NOTO: variants seen among roughly 807,000 people sequenced by gnomAD.
The protein encoded by NOTO is homeobox protein notochord.
In NOTO, 19 loss-of-function variants were observed where a neutral mutation model predicts 20.5. The observed-to-expected ratio is 0.93, with a 90% CI of 0.65 to 1.36. The LOEUF is 1.36. NOTO is among the 40% of genes most tolerant of loss of function. The probability of loss-of-function intolerance (pLI) is 0.00; values close to 1 mark genes in which losing one functional copy is unlikely to be tolerated. For missense variants in NOTO, 369 were observed against 336.2 expected (o/e 1.10, Z -0.76); for synonymous variants, 150 against 150.2 (o/e 1.00, Z 0.01).
intron 2 of NOTO, 146 bp downstream of exon 2, chr2:73,208,760 ACTCTATAT>A: frequency 1.6e-6 from 1 of 608,186 alleles, no homozygotes; most frequent in South Asian, 2.0e-5. Context: ...CTTTTTGCAC[ACTCTATAT>A]AATGAAAAAA....
chr2:73,208,294 C>A, intron 1 of NOTO, 106 bp from the exon 2 acceptor site: 1 of 696,122 alleles, frequency 1.4e-6, no homozygotes, highest in Non-Finnish European at 2.5e-6. Flanking sequence ...GGCAAGGTAG[C>A]AGAGCTGTGT....
At position 73,202,932 on chromosome 2, in the gene NOTO, G is replaced by A. The variant is rs1686026242; in HGVS notation, c.266G>A (p.Gly89Asp). 6 of 1,524,332 alleles carry A rather than the reference G, an allele frequency of 3.9e-6. No homozygotes were observed. The highest frequency in any genetic ancestry group is 2.6e-5 in the East Asian group (1 of 38,404). The allele number at this position is 1,524,332 out of a possible 1,614,324, so 94.4% of individuals were successfully genotyped here. ...GCTGCTTCCCTGTGCGCCACCGGGG[G>A]TCTGCCCTGGGCTTGCCCGACATCG... ...WTAASLCATGGLPWACPTSWL... is the reference protein window; with the variant it reads ...WTAASLCATGDLPWACPTSWL... Residue 89 changes from glycine (G) to aspartate (D), a missense_variant, in exon 1 of 3, where the codon GGT (glycine) becomes GAT (aspartate). Gly to Asp is a moderately conservative substitution (Grantham distance 94). Coordinates refer to ENST00000398468, the MANE Select transcript of NOTO (RefSeq NM_001134462.2).
chr2:73,207,114 A>C (rs919130430), intron 1 of NOTO, among the ~76,000 whole-genome samples: 7 of 152,034 alleles, frequency 4.6e-5, no homozygotes, highest in Non-Finnish European at 8.8e-5. Flanking sequence ...GCTCTTAAGG[A>C]ACACACAGTA....
Position 73,202,870 on chromosome 2 carries a change from G to A in NOTO, c.204G>A (p.Pro68=), listed in dbSNP as rs1283467242. ...PDPCAPAASQ[P]SGSACVHPAF... is the part of the protein sequence containing the mutation. ...CCTGCGCGCCGGCGGCCTCCCAGCC[G>A]TCGGGCTCCGCCTGCGTCCACCCGG... is the stretch of plus-strand genomic sequence containing the variant. Residue 68 remains proline (P), a synonymous_variant, in exon 1 of 3, where the codon CCG becomes CCA. Transcript: ENST00000398468. 1 of 1,526,506 alleles carries A rather than the reference G, an allele frequency of 6.6e-7. No homozygotes were observed. Among genetic ancestry groups the A allele is most frequent in the African/African-American group, 1.4e-5 (1 of 70,916 alleles). 94.6% of individuals were successfully genotyped at this position (1,526,506 alleles called of 1,614,324 possible). A position where few individuals can be genotyped will look rare whatever the true frequency, so the allele number is the denominator to read the frequency against.
chr2:73,209,484 AC>A (rs11313877), intron 2 of NOTO, among the ~76,000 whole-genome samples: 45,968 of 151,824 alleles, frequency 0.3, 7,168 homozygotes, highest in African/African-American at 0.38. Flanking sequence ...AGCTCAGTCC[AC>A]CACTCAGCAG....
At chr2:73,209,277 A>C (rs1243221360) in intron 2 of NOTO, among the ~76,000 whole-genome samples, 1 of 151,998 alleles carries the variant, frequency 6.6e-6, no homozygotes, top group Non-Finnish European at 1.5e-5. Context: ...TCTAGCTATT[A>C]TATAATTTCT....
At chr2:73,205,415 T>C (rs1574335025) in intron 1 of NOTO, among the ~76,000 whole-genome samples, 3 of 152,032 alleles carry the variant, frequency 2.0e-5, no homozygotes, top group African/African-American at 4.8e-5. Context: ...GGAGGATTGC[T>C]TGTGCCTGGG....
Position 73,208,464 on chromosome 2 carries a change from A to AC in NOTO, c.448dup (p.Gln150ProfsTer4). ...CAGACTGGGCCCCAACGGAGGACCTACAGGACACTGAGAGACAGCAAAAGA... is the reference window on the plus strand; with the variant it reads ...CAGACTGGGCCCCAACGGAGGACCTACCAGGACACTGAGAGACAGCAAAAGA... On this transcript the variant is annotated frameshift_variant, in exon 2 of 3. Transcript: ENST00000398468. LOFTEE classifies it high-confidence loss of function. The AC allele has an allele frequency of 6.4e-7, 1 of 1,551,692 alleles. No individual in the cohort carries two copies. Among genetic ancestry groups the AC allele is most frequent in the South Asian group, 1.2e-5 (1 of 84,054 alleles).
At position 73,203,024 on chromosome 2, in the gene NOTO, G is replaced by T; in HGVS notation, c.358G>T (p.Gly120Cys). The T allele has an allele frequency of 2.1e-6, 3 of 1,407,536 alleles. No individual in the cohort carries two copies. Among genetic ancestry groups the T allele is most frequent in the Non-Finnish European group, 2.8e-6 (3 of 1,083,042 alleles). 87.2% of individuals were successfully genotyped at this position (1,407,536 alleles called of 1,614,324 possible). The change falls in exon 1 of 3, where the codon GGC becomes TGC. Residue 120 changes from glycine (G) to cysteine (C), a missense_variant. Physicochemically the swap from Gly to Cys is radical, Grantham distance 159. Coordinates refer to ENST00000398468, the MANE Select transcript of NOTO (RefSeq NM_001134462.2). The part of the protein sequence containing the change: ...VPGPRVAPVC[G>C]LLGFGVTGLE... Reference sequence around the variant, plus strand: ...AGGGCCGCGCGTGGCTCCCGTCTGCGGCCTGCTGGGCTTCGGCGTCACAGG... The same window carrying T: ...AGGGCCGCGCGTGGCTCCCGTCTGCTGCCTGCTGGGCTTCGGCGTCACAGG...
At chr2:73,207,125 C>T (rs1307664099) in intron 1 of NOTO, among the ~76,000 whole-genome samples, 2 of 152,212 alleles carry the variant, frequency 1.3e-5, no homozygotes, top group Middle Eastern at 3.4e-3. Flanking sequence ...ACACACAGTA[C>T]AGCCTACTTT....
chr2:73,204,595 A>G (rs946829300), intron 1 of NOTO, among the ~76,000 whole-genome samples: 4 of 152,186 alleles, frequency 2.6e-5, no homozygotes, highest in African/African-American at 9.7e-5. Context: ...AGCTGTGCCC[A>G]TCACTCCCAG....
chr2:73,205,968 C>G (rs1686083586), intron 1 of NOTO, among the ~76,000 whole-genome samples: 1 of 152,142 alleles, frequency 6.6e-6, no homozygotes, highest in African/African-American at 2.4e-5. Context: ...AACTCCTGGG[C>G]TCAAGTGATC....
Position 73,211,023 on chromosome 2 carries a change from T to C in NOTO, c.*94T>C. On this transcript the variant is annotated 3_prime_UTR_variant, in exon 3 of 3. Transcript: ENST00000398468. ...CTGCCTCACACCTCAACGAAAAGCCTCCTCAACCAGAAGAATCTGAGCTGT... is the reference window on the plus strand; with the variant it reads ...CTGCCTCACACCTCAACGAAAAGCCCCCTCAACCAGAAGAATCTGAGCTGT... The C allele has an allele frequency of 9.9e-7, 1 of 1,011,250 alleles. No individual in the cohort carries two copies. Among genetic ancestry groups the C allele is most frequent in the Non-Finnish European group, 1.4e-6 (1 of 703,414 alleles). 62.6% of individuals were successfully genotyped at this position (1,011,250 alleles called of 1,614,324 possible). A position where few individuals can be genotyped will look rare whatever the true frequency, so the allele number is the denominator to read the frequency against.
intron 1 of NOTO, among the ~76,000 whole-genome samples, chr2:73,206,347 T>G (rs545440408): frequency 1.7e-4 from 26 of 152,304 alleles, no homozygotes; most frequent in Admixed American, 1.4e-3. Flanking sequence ...TTTTTGTTGT[T>G]GTGGTAGTTG....
chr2:73,205,512 G>A (rs1218510875), intron 1 of NOTO, among the ~76,000 whole-genome samples: 2 of 152,164 alleles, frequency 1.3e-5, no homozygotes, highest in Non-Finnish European at 2.9e-5. Context: ...AATTAAAAAA[G>A]AAATTAGCCC....
chr2:73,205,282 C>T (rs968552206), intron 1 of NOTO, among the ~76,000 whole-genome samples: 6 of 152,110 alleles, frequency 3.9e-5, no homozygotes, highest in Admixed American at 6.6e-5. Context: ...GAGGCCAAGG[C>T]GGGTGGACTA....
At position 73,202,838 on chromosome 2, in the gene NOTO, C is replaced by T; in HGVS notation, c.172C>T (p.Pro58Ser). ...CTCGGTCGAGGCCATCCTGGCGAGG[C>T]CCGACCCCTGCGCGCCGGCGGCCTC... ...PFSVEAILARPDPCAPAASQP... is the reference protein window; with the variant it reads ...PFSVEAILARSDPCAPAASQP... The change falls in exon 1 of 3, where the codon CCC becomes TCC. Residue 58 changes from proline to serine, a missense_variant. Transcript: ENST00000398468. 1.3e-6 allele frequency: 2 copies of T among 1,525,406 alleles called. No individual in the cohort carries two copies. Among genetic ancestry groups the T allele is most frequent in the Non-Finnish European group, 1.8e-6 (2 of 1,141,972 alleles). The allele number at this position is 1,525,406 out of a possible 1,614,324, so 94.5% of individuals were successfully genotyped here.
chr2:73,205,382 G>A (rs931506668), intron 1 of NOTO, among the ~76,000 whole-genome samples: 16 of 152,066 alleles, frequency 1.1e-4, no homozygotes, highest in East Asian at 5.8e-4. Context: ...ATGGTGGTGC[G>A]CACCTTGGCG....
intron 2 of NOTO, among the ~76,000 whole-genome samples, chr2:73,209,547 C>G (rs1005141643): frequency 1.3e-5 from 2 of 152,166 alleles, no homozygotes; most frequent in Non-Finnish European, 2.9e-5. Flanking sequence ...ACATGTTCCT[C>G]ATAGCCTCCA....
Sources: allele counts gnomAD v4.1 joint callset (sites outside exome capture counted in the v4.1 genomes callset), GRCh38; gene constraint gnomAD v4.1.1; transcripts MANE v1.5; gene names NCBI Gene and HGNC (gene_info 2026-07-23, HGNC 2026-07-21).